The following FAT3 variants were observed in gnomAD, a reference collection of about 807,000 sequenced individuals.
FAT3 encodes the protein FAT atypical cadherin 3, also known as protocadherin Fat 3.
Under a neutral mutation model 310.2 loss-of-function variants are expected in FAT3, and 95 were observed. The ratio of observed to expected loss-of-function variants is 0.31; its 90% CI spans 0.26 to 0.36. FAT3 has a LOEUF of 0.36. FAT3 is among the 10% of genes least tolerant of loss of function. The pLI is 1.00. For missense variants in FAT3, 5,408 were observed against 5,715.6 expected, an observed-to-expected ratio of 0.95 and a Z score of 1.74; for synonymous variants, 2,314 against 2,192.9, an observed-to-expected ratio of 1.06 and a Z score of -1.54.
chr11:92,320,856 C>T (rs1336452977), intron 1 of FAT3, among the ~76,000 whole-genome samples: 2 of 141,644 alleles, frequency 1.4e-5, no homozygotes, highest in African/African-American at 2.9e-5. Context: ...GGCAATGGAG[C>T]GAAACTCCAT....
At chr11:92,382,251 TTAGAAGTGGA>T (rs1406221545) in intron 2 of FAT3, among the ~76,000 whole-genome samples, 1 of 152,188 alleles carries the variant, frequency 6.6e-6, no homozygotes, top group Non-Finnish European at 1.5e-5. Flanking sequence ...AAACTGGCCC[TTAGAAGTGGA>T]TTTCAGAATT....
chr11:92,874,397 C>T (rs1399163575), intron 22 of FAT3, among the ~76,000 whole-genome samples: 3 of 152,186 alleles, frequency 2.0e-5, no homozygotes, highest in African/African-American at 7.2e-5. Context: ...TTATCTGCTT[C>T]CCAGAGACTG....
rs1947444438 is a variant in FAT3, at chr11:92,804,347, T to C, written c.8897-806T>C. Among the ~76,000 whole-genome samples the C allele has an allele frequency of 2.0e-5, 3 of 152,236 alleles. No homozygotes were observed. The South Asian group carries it at 6.2e-4, about 32-fold the overall frequency. On this transcript the variant is annotated intron_variant, in intron 10 of 27. Coordinates refer to ENST00000525166, the MANE Select transcript of FAT3 (RefSeq NM_001367949.2). ...CGGTGTCTGAAATGACATTTTTCCCTTCTTACGGATTACATCAAGGTCATC... is the reference window on the plus strand; with the variant it reads ...CGGTGTCTGAAATGACATTTTTCCCCTCTTACGGATTACATCAAGGTCATC...
At chr11:92,312,749 C>A (rs987213698) in intron 1 of FAT3, among the ~76,000 whole-genome samples, 2 of 152,114 alleles carry the variant, frequency 1.3e-5, no homozygotes, top group Non-Finnish European at 2.9e-5. Context: ...TCTTGAAGCA[C>A]CTAGATCCAT....
At chr11:92,524,013 C>T (rs960604023) in intron 2 of FAT3, among the ~76,000 whole-genome samples, 19 of 151,974 alleles carry the variant, frequency 1.3e-4, no homozygotes, top group South Asian at 6.2e-4. Flanking sequence ...TCGTTTGGAA[C>T]GTGTTTATAT....
chr11:92,259,103 T>G (rs184474517), intron 1 of FAT3, among the ~76,000 whole-genome samples: 7 of 152,204 alleles, frequency 4.6e-5, no homozygotes, highest in Admixed American at 2.0e-4. Flanking sequence ...TCCTTAGCAC[T>G]GCAATATTAA....
intron 1 of FAT3, among the ~76,000 whole-genome samples, chr11:92,351,714 G>A (rs934358637): frequency 4.6e-5 from 7 of 151,662 alleles, no homozygotes; most frequent in African/African-American, 1.5e-4. Context: ...TTGTCTAAAT[G>A]TTTCTATAGG....
chr11:92,645,391 T>C (rs534222006), intron 3 of FAT3, among the ~76,000 whole-genome samples: 7 of 152,252 alleles, frequency 4.6e-5, no homozygotes, highest in African/African-American at 1.7e-4. Context: ...TCTACGCTGG[T>C]TAGGGAATAA....
intron 2 of FAT3, among the ~76,000 whole-genome samples, chr11:92,488,332 A>G (rs1031928388): frequency 2.6e-5 from 4 of 151,730 alleles, no homozygotes; most frequent in Non-Finnish European, 4.4e-5. Flanking sequence ...TGAGGAGAGG[A>G]CTTAGCTAAG....
chr11:92,676,307 C>T (rs1203225807), intron 3 of FAT3, among the ~76,000 whole-genome samples: 2 of 152,180 alleles, frequency 1.3e-5, no homozygotes, highest in African/African-American at 4.8e-5. Flanking sequence ...TATGTATGAT[C>T]ATAATTTATA....
At chr11:92,802,373 G>C (rs1480054827) in intron 10 of FAT3, among the ~76,000 whole-genome samples, 1 of 152,174 alleles carries the variant, frequency 6.6e-6, no homozygotes, top group Non-Finnish European at 1.5e-5. Flanking sequence ...ACACACATTA[G>C]ATGGAATGGT....
chr11:92,559,817 G>T (rs554794015), intron 3 of FAT3, among the ~76,000 whole-genome samples: 46 of 152,182 alleles, frequency 3.0e-4, no homozygotes, highest in African/African-American at 1.1e-3. Context: ...TCTTTTTATG[G>T]CTGAATGTTG....
At chr11:92,454,898 A>C (rs1360991944) in intron 2 of FAT3, among the ~76,000 whole-genome samples, 1 of 152,136 alleles carries the variant, frequency 6.6e-6, no homozygotes, top group Non-Finnish European at 1.5e-5. Flanking sequence ...AATCCTTACA[A>C]TTCCATGAAT....
At chr11:92,283,436 A>G (rs1478121351) in intron 1 of FAT3, among the ~76,000 whole-genome samples, 1 of 152,142 alleles carries the variant, frequency 6.6e-6, no homozygotes, top group Non-Finnish European at 1.5e-5. Context: ...TCCTGGTTCT[A>G]TCGGTACACT....
chr11:92,766,347 C>T lies in FAT3; in HGVS notation c.4195+1258C>T, dbSNP rs151234990. ...CGCTTCTCTGTGGGAGGCAGGGGAT[C>T]CAGGAGAGAGTCGGTCTGGGGGAAT... On this transcript the variant is annotated intron_variant, in intron 6 of 27. Coordinates refer to ENST00000525166, the MANE Select transcript of FAT3 (RefSeq NM_001367949.2). Among the ~76,000 whole-genome samples the T allele has an allele frequency of 2.4e-3, 360 of 152,250 alleles. 1 individual carries two copies. The highest frequency in any genetic ancestry group is 3.9e-3 in the Non-Finnish European group (264 of 68,018).
intron 1 of FAT3, among the ~76,000 whole-genome samples, chr11:92,305,908 T>C (rs748704845): frequency 6.6e-6 from 1 of 152,118 alleles, no homozygotes; most frequent in African/African-American, 2.4e-5. Context: ...ATTGGTAAAA[T>C]TGAGTAGTCT....
chr11:92,778,850 A>G (rs903178058), intron 7 of FAT3, among the ~76,000 whole-genome samples: 8 of 152,138 alleles, frequency 5.3e-5, no homozygotes, highest in African/African-American at 1.9e-4. Flanking sequence ...TCAAAGCACT[A>G]TTGTTCTGGG....
At chr11:92,586,412 G>T (rs7940780) in intron 3 of FAT3, among the ~76,000 whole-genome samples, 1 of 151,838 alleles carries the variant, frequency 6.6e-6, no homozygotes, top group Non-Finnish European at 1.5e-5. Context: ...CTAAAGCCTT[G>T]TGACCACTCA....
At chr11:92,418,233 C>T (rs1006428327) in intron 2 of FAT3, among the ~76,000 whole-genome samples, 11 of 151,898 alleles carry the variant, frequency 7.2e-5, no homozygotes, top group African/African-American at 2.2e-4. Flanking sequence ...ACTGGATAAC[C>T]GAGGTATTTC....
Sources: allele counts gnomAD v4.1 joint callset (sites outside exome capture counted in the v4.1 genomes callset), GRCh38; gene constraint gnomAD v4.1.1; transcripts MANE v1.5; gene names NCBI Gene and HGNC (gene_info 2026-07-23, HGNC 2026-07-21).